Variants in PCDHGC5 observed in about 807,000 individuals in gnomAD.
The protein encoded by PCDHGC5 is protocadherin gamma subfamily C, 5.
In PCDHGC5, 25 loss-of-function variants were observed where a neutral mutation model predicts 59.0. The observed-to-expected ratio is 0.42, with a 90% CI of 0.31 to 0.59. The LOEUF is 0.59. PCDHGC5 is among the 20% of genes least tolerant of loss of function. The pLI, the probability that PCDHGC5 is intolerant of heterozygous loss-of-function variation, is 0.13. For missense variants in PCDHGC5, 1,067 were observed against 1,206.4 expected (o/e 0.88, Z 1.71); for synonymous variants, 434 against 505.5 (o/e 0.86, Z 1.90).
Position 141,494,803 on chromosome 5 carries a change from A to G in PCDHGC5, c.2461-4A>G. On this transcript the variant is annotated splice_polypyrimidine_tract_variant and splice_region_variant and intron_variant, in intron 1 of 3. Transcript: ENST00000252087. ...CAGCCCCTTTCCCTCTGTTTTCTCC[A>G]CAGCAAGCCCCGCCCAACACGGACT... The G allele has an allele frequency of 6.2e-7, 1 of 1,613,646 alleles. No individual in the cohort carries two copies. Among genetic ancestry groups the G allele is most frequent in the Non-Finnish European group, 8.5e-7 (1 of 1,179,900 alleles).
chr5:141,493,052 T>G lies in PCDHGC5; in HGVS notation c.2460+1352T>G, dbSNP rs1362566525. 6.6e-6 allele frequency among the ~76,000 whole-genome samples: 1 copy of G among 152,104 alleles called. No individual in the cohort carries two copies. The highest frequency in any genetic ancestry group is 2.4e-5 in the African/African-American group (1 of 41,416). Reference sequence around the variant, plus strand: ...CTTATGTGTGAGGAAACTACAATAGTAAAAAACACAAGTTTCTCCAACTCC... The same window carrying G: ...CTTATGTGTGAGGAAACTACAATAGGAAAAAACACAAGTTTCTCCAACTCC... On this transcript the variant is annotated intron_variant, in intron 1 of 3. Coordinates refer to ENST00000252087, the MANE Select transcript of PCDHGC5 (RefSeq NM_018929.3). This position sits in a 1 kb window ranked among gnomAD's most constrained non-coding sequence, Gnocchi z 4.3.
intron 2 of PCDHGC5, among the ~76,000 whole-genome samples, chr5:141,500,844 T>C (rs190011905): frequency 6.6e-6 from 1 of 152,204 alleles, no homozygotes; most frequent in Non-Finnish European, 1.5e-5. Flanking sequence ...AATGGGCTTT[T>C]GCTACATTAG....
intron 1 of PCDHGC5, among the ~76,000 whole-genome samples, chr5:141,492,090 C>T (rs751238997): frequency 1.4e-4 from 21 of 152,258 alleles, no homozygotes; most frequent in Admixed American, 6.5e-5. Flanking sequence ...GCACGCTTCG[C>T]CGGTCTGTAG....
At chr5:141,492,237 C>G (rs2099738580) in intron 1 of PCDHGC5, among the ~76,000 whole-genome samples, 1 of 152,206 alleles carries the variant, frequency 6.6e-6, no homozygotes, top group Admixed American at 6.5e-5. Flanking sequence ...TCCCTGCTGG[C>G]CACCCCCACG....
At position 141,493,726 on chromosome 5, in the gene PCDHGC5, G is replaced by C. The variant is rs1032021616; in HGVS notation, c.2461-1081G>C. ...CTGGAATGCTAGGTTTCTGGGTTCT[G>C]CTCATATCACTGCCACCTGTGAGCC... On this transcript the variant is annotated intron_variant, in intron 1 of 3. Coordinates refer to ENST00000252087, the MANE Select transcript of PCDHGC5 (RefSeq NM_018929.3). This position sits in a 1 kb window ranked among gnomAD's most constrained non-coding sequence, Gnocchi z 4.3. Among the ~76,000 whole-genome samples, 2 of 152,154 alleles carry C rather than the reference G, an allele frequency of 1.3e-5. No individual in the cohort carries two copies. Among genetic ancestry groups the C allele is most frequent in the African/African-American group, 4.8e-5 (2 of 41,438 alleles).
At chr5:141,492,068 G>A in intron 1 of PCDHGC5, 1 of 479,628 alleles carries the variant, frequency 2.1e-6, no homozygotes, top group Non-Finnish European at 3.7e-6. Flanking sequence ...AGCCTCCTAG[G>A]CGCCGGCTCC....
At position 141,511,916 on chromosome 5, in the gene PCDHGC5, C is replaced by T. The variant is rs2099884006; in HGVS notation, c.*743C>T. ...CCACCTCCTCCTCAAACAAGAGACT[C>T]CACTGCATGTTCCAAGACAGTATGG... On this transcript the variant is annotated 3_prime_UTR_variant, in exon 4 of 4. Coordinates refer to ENST00000252087, the MANE Select transcript of PCDHGC5 (RefSeq NM_018929.3). The T allele has an allele frequency of 6.4e-6, 1 of 156,466 alleles. No individual in the cohort carries two copies. The highest frequency in any genetic ancestry group is 2.4e-5 in the African/African-American group (1 of 41,474). The allele number at this position is 156,466 out of a possible 1,614,324, so 9.7% of individuals were successfully genotyped here.
rs2233602 is a variant in PCDHGC5, at chr5:141,490,032, C to T, written c.792C>T (p.Leu264=). 47,990 of 1,614,182 alleles carry T rather than the reference C, an allele frequency of 0.03. 1,413 individuals are homozygous for T. Among genetic ancestry groups the T allele is most frequent in the African/African-American group, 0.15 (11,444 of 75,040 alleles). The change falls in exon 1 of 4, where the codon CTC becomes CTT. Residue 264 remains leucine, a synonymous_variant. Coordinates refer to ENST00000252087, the MANE Select transcript of PCDHGC5 (RefSeq NM_018929.3). The surrounding 1 kb of genome is among the most constrained non-coding windows in gnomAD (Gnocchi z 5.4). ...NAPIGTLLLR[L]NATDPDEGTN... ...CCATTGGTACTCTGCTGCTCCGCCT[C>T]AATGCCACTGATCCAGACGAGGGCA...
At chr5:141,505,538 T>C in intron 3 of PCDHGC5, 57 bp downstream of exon 3, 1 of 1,610,262 alleles carries the variant, frequency 6.2e-7, no homozygotes, top group Non-Finnish European at 8.5e-7. Context: ...CTGGGGTGCA[T>C]CTCACAGCCA....
chr5:141,512,656 C>G lies in PCDHGC5; in HGVS notation c.*1483C>G, dbSNP rs1262748947. ...CCCTTACAGTAGTGTAGCGCCCCCT[C>G]CCTCTTTCGGCTGGTGTAGAATAGC... On this transcript the variant is annotated 3_prime_UTR_variant, in exon 4 of 4. Coordinates refer to ENST00000252087, the MANE Select transcript of PCDHGC5 (RefSeq NM_018929.3). 1 of 152,508 alleles carries G rather than the reference C, an allele frequency of 6.6e-6. No homozygotes were observed. The highest frequency in any genetic ancestry group is 1.5e-5 in the Non-Finnish European group (1 of 68,228). The allele number at this position is 152,508 out of a possible 1,614,324, so 9.4% of individuals were successfully genotyped here.
intron 3 of PCDHGC5, among the ~76,000 whole-genome samples, chr5:141,508,789 A>C: frequency 1.4e-5 from 2 of 145,944 alleles, no homozygotes; most frequent in African/African-American, 2.6e-5. Context: ...CCCCTAAATC[A>C]CTCTGGAATC....
chr5:141,510,194 G>A (rs920127442), intron 3 of PCDHGC5, among the ~76,000 whole-genome samples: 1 of 151,462 alleles, frequency 6.6e-6, no homozygotes, highest in Non-Finnish European at 1.5e-5. Context: ...AATCACTTGA[G>A]CCCAGGAGGC....
rs1248867280 is a variant in PCDHGC5 at position 141,511,325 on chromosome 5, C to T, written c.*152C>T. 18 of 1,466,406 alleles carry T rather than the reference C, an allele frequency of 1.2e-5. No homozygotes were observed. Among genetic ancestry groups the T allele is most frequent in the Non-Finnish European group, 1.5e-5 (17 of 1,099,872 alleles). 90.8% of individuals were successfully genotyped at this position (1,466,406 alleles called of 1,614,324 possible). A position where few individuals can be genotyped will look rare whatever the true frequency, so the allele number is the denominator to read the frequency against. On this transcript the variant is annotated 3_prime_UTR_variant, in exon 4 of 4. Coordinates refer to ENST00000252087, the MANE Select transcript of PCDHGC5 (RefSeq NM_018929.3). ...TCCCCTTGGGAAACAGAAACAAGTG[C>T]CCAGTCAGCACCTACCCCTTCCCCC...
rs1426305491 is a variant in PCDHGC5 at position 141,489,758 on chromosome 5, G to A, written c.518G>A (p.Ser173Asn). 1 of 1,614,084 alleles carries A rather than the reference G, an allele frequency of 6.2e-7. No homozygotes were observed. The highest frequency in any genetic ancestry group is 1.7e-5 in the Admixed American group (1 of 60,020). Residue 173 changes from serine to asparagine, a missense_variant, in exon 1 of 4, where the codon AGC becomes AAC. Physicochemically the swap from Ser to Asn is conservative, Grantham distance 46. Coordinates refer to ENST00000252087, the MANE Select transcript of PCDHGC5 (RefSeq NM_018929.3). The surrounding 1 kb of genome is among the most constrained non-coding windows in gnomAD (Gnocchi z 4.5). ...GTNTVSFYTLSPNSHFSLNVK... is the reference protein window; with the variant it reads ...GTNTVSFYTLNPNSHFSLNVK... ...AATACTGTGAGCTTTTACACTCTAAGCCCCAACAGCCACTTCTCTCTGAAT... is the reference window on the plus strand; with the variant it reads ...AATACTGTGAGCTTTTACACTCTAAACCCCAACAGCCACTTCTCTCTGAAT...
Position 141,511,231 on chromosome 5 carries a change from C to T in PCDHGC5, c.*58C>T. On this transcript the variant is annotated 3_prime_UTR_variant, in exon 4 of 4. Coordinates refer to ENST00000252087, the MANE Select transcript of PCDHGC5 (RefSeq NM_018929.3). ...CTCTCCCCAACCAGCCCAGCTTCTC[C>T]TTACCTGCACCCAGGCCTCAGAGTT... 2 of 1,595,900 alleles carry T rather than the reference C, an allele frequency of 1.3e-6. No individual in the cohort carries two copies. The highest frequency in any genetic ancestry group is 2.2e-5 in the South Asian group (2 of 88,992).
In PCDHGC5 at chr5:141,491,679, T is replaced by G. The variant is rs111288145; in HGVS notation, c.2439T>G (p.Asn813Lys). 1 of 1,613,496 alleles carries G rather than the reference T, an allele frequency of 6.2e-7. No individual in the cohort carries two copies. Among genetic ancestry groups the G allele is most frequent in the Non-Finnish European group, 8.5e-7 (1 of 1,179,828 alleles). Residue 813 changes from asparagine (N) to lysine (K), a missense_variant, in exon 1 of 4, where the codon AAT (asparagine) becomes AAG (lysine). Physicochemically the swap from Asn to Lys is moderately conservative, Grantham distance 94 (BLOSUM62 0). Coordinates refer to ENST00000252087, the MANE Select transcript of PCDHGC5 (RefSeq NM_018929.3). The surrounding 1 kb of genome is among the most constrained non-coding windows in gnomAD (Gnocchi z 6.9). ...CTGACGCCATCCGGTCCCGCTCTAA[T>G]ACGCTGCGGGAGCGGAGCCAGGTGA... ...LEPDAIRSRS[N>K]TLRERSQQAP...
At chr5:141,507,447 G>A (rs998019159) in intron 3 of PCDHGC5, among the ~76,000 whole-genome samples, 1 of 152,226 alleles carries the variant, frequency 6.6e-6, no homozygotes, top group Non-Finnish European at 1.5e-5. Flanking sequence ...GCTGACGGAA[G>A]GACAGAGAGA....
rs1021096537 is a variant in PCDHGC5, at chr5:141,511,383, T to C, written c.*210T>C. 2 of 1,155,330 alleles carry C rather than the reference T, an allele frequency of 1.7e-6. No homozygotes were observed. Among genetic ancestry groups the C allele is most frequent in the Non-Finnish European group, 2.4e-6 (2 of 841,000 alleles). The allele number at this position is 1,155,330 out of a possible 1,614,324, so 71.6% of individuals were successfully genotyped here. ...GTTGAATATGCAAAAGCAGTTCCGC[T>C]GGGAACCCCCATCCAATCAACTGCT... is the stretch of plus-strand genomic sequence containing the variant. On this transcript the variant is annotated 3_prime_UTR_variant, in exon 4 of 4. Transcript: ENST00000252087.
chr5:141,489,431 T>C lies in PCDHGC5; in HGVS notation c.191T>C (p.Leu64Pro). 6.2e-7 allele frequency: 1 copy of C among 1,614,132 alleles called. No individual in the cohort carries two copies. Among genetic ancestry groups the C allele is most frequent in the Non-Finnish European group, 8.5e-7 (1 of 1,180,024 alleles). The change falls in exon 1 of 4, where the codon CTG becomes CCG. Residue 64 changes from leucine (L) to proline (P), a missense_variant. Transcript: ENST00000252087. This position sits in a 1 kb window ranked among gnomAD's most constrained non-coding sequence, Gnocchi z 4.5. ...LKMTDLLSRR[L>P]QLGSEENGRY... ...ATGACAGATCTGTTGAGCCGGCGGC[T>C]GCAATTGGGCTCTGAGGAGAATGGG...
Sources: gnomAD v4.1 joint callset for allele counts (sites outside exome capture counted in the v4.1 genomes callset) on GRCh38, gnomAD v4.1.1 for gene constraint, Gnocchi (gnomAD v3.1) non-coding constraint, MANE v1.5 for transcripts, NCBI Gene and HGNC (gene_info 2026-07-23, HGNC 2026-07-21) for gene names.